The following ATOSA variants were observed in gnomAD, a reference collection of about 807,000 sequenced individuals.
ATOSA encodes atos homolog A.
the ATOSA span, among the ~76,000 whole-genome samples, chr15:52,636,049 T>C: frequency 6.8e-6 from 1 of 146,374 alleles, no homozygotes; most frequent in Non-Finnish European, 1.5e-5. Context: ...ATATTATTAA[T>C]AAATTTATTA....
At chr15:52,609,512 C>G in the ATOSA span, 2 of 1,613,830 alleles carry the variant, frequency 1.2e-6, no homozygotes, top group Non-Finnish European at 1.7e-6. Flanking sequence ...GTCTCTCCAA[C>G]AGGCATATGA....
At chr15:52,618,196 G>A in the ATOSA span, among the ~76,000 whole-genome samples, 1 of 151,988 alleles carries the variant, frequency 6.6e-6, no homozygotes, top group African/African-American at 2.4e-5. Context: ...CTACCACCAC[G>A]TCTGGCTAAT....
chr15:52,587,725 T>G, the ATOSA span: 2 of 152,526 alleles, frequency 1.3e-5, no homozygotes, highest in African/African-American at 4.8e-5. Flanking sequence ...TTTGGAAGTC[T>G]GTAGTTCCTG....
At chr15:52,662,301 C>A in the ATOSA span, among the ~76,000 whole-genome samples, 63 of 152,264 alleles carry the variant, frequency 4.1e-4, no homozygotes, top group Non-Finnish European at 8.1e-4. Flanking sequence ...TTACATGAAA[C>A]TGAAGGGTAT....
chr15:52,639,492 T>C, the ATOSA span, among the ~76,000 whole-genome samples: 2 of 152,246 alleles, frequency 1.3e-5, no homozygotes, highest in Non-Finnish European at 2.9e-5. Flanking sequence ...ATATATTGTA[T>C]AATGACGGCT....
chr15:52,597,796 T>C, the ATOSA span, among the ~76,000 whole-genome samples: 10 of 152,304 alleles, frequency 6.6e-5, no homozygotes, highest in African/African-American at 1.9e-4. Flanking sequence ...TTGGGGCATA[T>C]GTAAAATGTG....
chr15:52,661,186 A>G, the ATOSA span, among the ~76,000 whole-genome samples: 14 of 152,216 alleles, frequency 9.2e-5, no homozygotes, highest in African/African-American at 3.4e-4. Flanking sequence ...AGTTTCAAGG[A>G]TGAAATGTCT....
the ATOSA span, among the ~76,000 whole-genome samples, chr15:52,695,180 C>T: frequency 6.6e-6 from 1 of 152,298 alleles, no homozygotes; most frequent in East Asian, 1.9e-4. Context: ...CTACCTTGGT[C>T]TCCTAAAGTG....
the ATOSA span, among the ~76,000 whole-genome samples, chr15:52,647,466 A>C: frequency 6.6e-6 from 1 of 152,224 alleles, no homozygotes; most frequent in African/African-American, 2.4e-5. Context: ...TTTAGTCTTA[A>C]ATTTTAATAT....
chr15:52,632,554 T>C, the ATOSA span, among the ~76,000 whole-genome samples: 1 of 152,060 alleles, frequency 6.6e-6, no homozygotes. Flanking sequence ...CCCTAAGAAA[T>C]GTATGAGGAA....
At chr15:52,685,740 A>G in the ATOSA span, among the ~76,000 whole-genome samples, 1 of 151,124 alleles carries the variant, frequency 6.6e-6, no homozygotes, top group African/African-American at 2.4e-5. Context: ...ACAGGGTCTC[A>G]CTCTGTCACC....
At chr15:52,613,615 T>A in the ATOSA span, 1 of 1,477,074 alleles carries the variant, frequency 6.8e-7, no homozygotes, top group Non-Finnish European at 9.2e-7. Flanking sequence ...ATAAAGGTGA[T>A]GATGAACATA....
chr15:52,626,295 C>T, the ATOSA span, among the ~76,000 whole-genome samples: 6 of 152,070 alleles, frequency 3.9e-5, no homozygotes, highest in South Asian at 2.1e-4. Flanking sequence ...TTAAGTACTA[C>T]GGGAAAAGTC....
At chr15:52,699,172 A>C in the ATOSA span, among the ~76,000 whole-genome samples, 1 of 152,174 alleles carries the variant, frequency 6.6e-6, no homozygotes, top group African/African-American at 2.4e-5. Flanking sequence ...ACCTAGCACC[A>C]TGACAAGGTT....
chr15:52,671,789 G>A, the ATOSA span, among the ~76,000 whole-genome samples: 1 of 151,488 alleles, frequency 6.6e-6, no homozygotes, highest in Non-Finnish European at 1.5e-5. Flanking sequence ...TGTGATGACT[G>A]GGGAGAAAGG....
the ATOSA span, among the ~76,000 whole-genome samples, chr15:52,663,042 T>A: frequency 0.93 from 140,906 of 152,210 alleles, 65,479 homozygotes; most frequent in Middle Eastern, 0.98. Flanking sequence ...CAAACTCCTT[T>A]TAGCTTAACA....
chr15:52,643,455 C>CA, the ATOSA span, among the ~76,000 whole-genome samples: 2 of 133,352 alleles, frequency 1.5e-5, no homozygotes, highest in East Asian at 4.1e-4. Flanking sequence ...CCTCACCTGG[C>CA]TTTTTTTTTT....
chr15:52,601,003 T>G, the ATOSA span: 1 of 815,840 alleles, frequency 1.2e-6, no homozygotes, highest in Non-Finnish European at 2.0e-6. Context: ...TTCTGATGTT[T>G]AGAATCAACA....
chr15:52,607,354 T>C, the ATOSA span, among the ~76,000 whole-genome samples: 2 of 152,200 alleles, frequency 1.3e-5, no homozygotes, highest in African/African-American at 2.4e-5. Flanking sequence ...TTTCTGACTG[T>C]TTTTGCTCTA....
Sources: gnomAD v4.1 joint callset for allele counts (sites outside exome capture counted in the v4.1 genomes callset) on GRCh38, gnomAD v4.1.1 for gene constraint, MANE v1.5 for transcripts, NCBI Gene and HGNC (gene_info 2026-07-23, HGNC 2026-07-21) for gene names.